CFAP74: variants seen among roughly 807,000 people sequenced by gnomAD.
The protein encoded by CFAP74 is cilia- and flagella-associated protein 74.
A neutral mutation model predicts 188.9 loss-of-function variants in CFAP74; 124 were observed. The ratio of observed to expected loss-of-function variants is 0.66; its 90% CI spans 0.57 to 0.76. CFAP74 has a LOEUF of 0.76. CFAP74 is among the 30% of genes least tolerant of loss of function. CFAP74 has a pLI of 0.00. For synonymous variants in CFAP74, 956 were observed against 916.7 expected (o/e 1.04, Z -0.77); for missense variants, 2,198 against 2,165.2 (o/e 1.02, Z -0.30).
Position 1,956,714 on chromosome 1 carries a change from G to T in CFAP74, c.1922C>A (p.Thr641Lys). ...GCCCAAGCCCCCAACGTTGGTCAGC[G>T]TGATGGTCCGAGACGTGGTCTCTCC... ...VVGETTSRTI[T>K]LTNVGGLGTT... is the part of the protein sequence containing the mutation. The change falls in exon 17 of 39, where the codon ACG (threonine) becomes AAG (lysine). Residue 641 changes from threonine (T) to lysine (K), a missense_variant. Transcript: ENST00000682832. The T allele has an allele frequency of 6.2e-7, 1 of 1,613,980 alleles. No individual in the cohort carries two copies. Among genetic ancestry groups the T allele is most frequent in the Non-Finnish European group, 8.5e-7 (1 of 1,179,954 alleles).
At chr1:1,931,398 C>A (rs1652357650) in intron 25 of CFAP74, among the ~76,000 whole-genome samples, 1 of 135,978 alleles carries the variant, frequency 7.4e-6, no homozygotes, top group Non-Finnish European at 1.5e-5. Context: ...CCACTGCACT[C>A]TAGCCTGGGT....
chr1:1,955,303 C>T (rs747869921), intron 18 of CFAP74: 22 of 1,300,160 alleles, frequency 1.7e-5, no homozygotes, highest in East Asian at 5.4e-5. Flanking sequence ...GCCCGTTTCT[C>T]GGCACCTCTC....
At position 1,942,144 on chromosome 1, in the gene CFAP74, G is replaced by T; in HGVS notation, c.2499C>A (p.Ala833=). Residue 833 remains alanine, a synonymous_variant, in exon 22 of 39, where the codon GCC becomes GCA. Coordinates refer to ENST00000682832, the MANE Select transcript of CFAP74 (RefSeq NM_001304360.2). The surrounding 1 kb of genome is among the most constrained non-coding windows in gnomAD (Gnocchi z 4.3). ...TGCACACCTCGAACTTCAGGCGCAG[G>T]GCAGCTTTCGACCTGTGGGCGTGTC... The part of the protein sequence containing the change: ...SVLVHTRSKA[A]LRLKFEVCKE... The T allele has an allele frequency of 6.6e-7, 1 of 1,519,922 alleles. No homozygotes were observed. The highest frequency in any genetic ancestry group is 1.2e-5 in the South Asian group (1 of 81,586). 94.2% of individuals were successfully genotyped at this position (1,519,922 alleles called of 1,614,324 possible).
intron 17 of CFAP74, among the ~76,000 whole-genome samples, chr1:1,956,297 C>A (rs1654620639): frequency 6.6e-6 from 1 of 152,330 alleles, no homozygotes; most frequent in East Asian, 1.9e-4. Context: ...CCCACCCCCA[C>A]ACCTGGGGCT....
Position 1,988,493 on chromosome 1 carries a change from G to A in CFAP74, c.296+19C>T, listed in dbSNP as rs763496529. ...GGGCATCAAGAGGTGCAGGTGCAGCGGCCTCAGCCCCAGCTCACCTCATCT... is the reference window on the plus strand; with the variant it reads ...GGGCATCAAGAGGTGCAGGTGCAGCAGCCTCAGCCCCAGCTCACCTCATCT... On this transcript the variant is annotated intron_variant, in intron 4 of 38. Coordinates refer to ENST00000682832, the MANE Select transcript of CFAP74 (RefSeq NM_001304360.2). The A allele has an allele frequency of 1.3e-5, 21 of 1,608,298 alleles. No homozygotes were observed. Among genetic ancestry groups the A allele is most frequent in the Admixed American group, 3.3e-5 (2 of 59,992 alleles).
chr1:1,962,476 CAAA>C (rs556157241), intron 14 of CFAP74, among the ~76,000 whole-genome samples: 18 of 69,350 alleles, frequency 2.6e-4, no homozygotes, highest in Middle Eastern at 0.01. Flanking sequence ...AACTCCATCT[CAAA>C]AAAAAAAAAA....
chr1:1,943,203 G>GC (rs1276473281), intron 21 of CFAP74, among the ~76,000 whole-genome samples: 1 of 152,228 alleles, frequency 6.6e-6, no homozygotes, highest in Admixed American at 6.5e-5. Context: ...GCCCCACTCA[G>GC]CCCTCAATGC....
At chr1:1,993,611 A>T (rs1396710030) in intron 1 of CFAP74, among the ~76,000 whole-genome samples, 1 of 151,020 alleles carries the variant, frequency 6.6e-6, no homozygotes, top group Non-Finnish European at 1.5e-5. Context: ...TTAGACCTTA[A>T]ATATGTGATT....
In CFAP74 at chr1:1,943,101, C is replaced by T. The variant is rs574381999; in HGVS notation, c.2487-945G>A. 9.2e-5 allele frequency among the ~76,000 whole-genome samples: 14 copies of T among 152,326 alleles called. No individual in the cohort carries two copies. In the South Asian group the frequency reaches 2.1e-3, roughly 23 times the overall value. ...GTCAGGCAGACGCTGCTCTGCCTTC[C>T]GGTTCCCTTATGGGGCCAGAGTCTA... On this transcript the variant is annotated intron_variant, in intron 21 of 38. Transcript: ENST00000682832.
chr1:1,964,290 G>T (rs1427617820), intron 13 of CFAP74, among the ~76,000 whole-genome samples: 2 of 152,216 alleles, frequency 1.3e-5, no homozygotes. Flanking sequence ...TTCCCACCCT[G>T]TCCCTGCTAC....
Position 1,959,149 on chromosome 1 carries a change from G to T in CFAP74, c.1822C>A (p.Pro608Thr). 2 of 1,612,356 alleles carry T rather than the reference G, an allele frequency of 1.2e-6. No individual in the cohort carries two copies. Residue 608 changes from proline (P) to threonine (T), a missense_variant, in exon 16 of 39, where the codon CCA (proline) becomes ACA (threonine). Pro to Thr is a conservative substitution (Grantham distance 38). Coordinates refer to ENST00000682832, the MANE Select transcript of CFAP74 (RefSeq NM_001304360.2). ...FLAQTGEFSVPLKCSTKKCSL... is the reference protein window; with the variant it reads ...FLAQTGEFSVTLKCSTKKCSL... ...CATTTCTTTGTTGAACATTTCAGTG[G>T]AACTGAAAACTCGCCCGTCTGAGCC... is the stretch of plus-strand genomic sequence containing the variant.
At chr1:1,928,936 G>C in intron 26 of CFAP74, 54 bp from the exon 27 acceptor site, 1 of 1,270,282 alleles carries the variant, frequency 7.9e-7, no homozygotes, top group African/African-American at 1.5e-5. Context: ...CACCTCCCCG[G>C]AGCCCCTGCG....
chr1:1,971,933 C>T, intron 9 of CFAP74, 47 bp downstream of exon 9: 1 of 1,484,984 alleles, frequency 6.7e-7, no homozygotes, highest in Non-Finnish European at 9.3e-7. Context: ...GGGACGGACC[C>T]CGGCAGGGCG....
At chr1:1,938,200 CATG>C (rs1217729425) in intron 25 of CFAP74, among the ~76,000 whole-genome samples, 7 of 146,926 alleles carry the variant, frequency 4.8e-5, no homozygotes, top group African/African-American at 1.8e-4. Context: ...CATTCAGTCA[CATG>C]CTCACACATA....
intron 1 of CFAP74, among the ~76,000 whole-genome samples, chr1:1,991,932 C>T (rs906702548): frequency 6.6e-6 from 1 of 151,362 alleles, no homozygotes; most frequent in Non-Finnish European, 1.5e-5. Context: ...CCCAGCTACT[C>T]GGGAGGCTGA....
intron 14 of CFAP74, among the ~76,000 whole-genome samples, chr1:1,963,456 C>CAAAAAAAA (rs772909618): frequency 6.1e-5 from 2 of 32,882 alleles, no homozygotes; most frequent in African/African-American, 1.3e-4. Context: ...GACTCCATCT[C>CAAAAAAAA]AAAAAAAAAA....
At chr1:1,988,066 C>T (rs932417976) in intron 4 of CFAP74, 8 of 469,110 alleles carry the variant, frequency 1.7e-5, no homozygotes, top group African/African-American at 1.4e-4. Flanking sequence ...GCCTCAGCCT[C>T]CCAAGTCACT....
In CFAP74 at chr1:1,938,942, A is replaced by G; in HGVS notation, c.2924T>C (p.Leu975Pro). ...PNDGFGTILP[L>P]ETLQFCVIFQ... is the part of the protein sequence containing the mutation. ...GATCACACAGAACTGCAGCGTTTCC[A>G]GGGGCAGGATCGTCCCAAACCCATC... The change falls in exon 25 of 39, where the codon CTG (leucine) becomes CCG (proline). Residue 975 changes from leucine to proline, a missense_variant. By Grantham distance (98) the Leu-to-Pro change is moderately conservative. Coordinates refer to ENST00000682832, the MANE Select transcript of CFAP74 (RefSeq NM_001304360.2). 6.5e-7 allele frequency: 1 copy of G among 1,535,968 alleles called. No homozygotes were observed. The highest frequency in any genetic ancestry group is 1.2e-5 in the South Asian group (1 of 83,946).
At position 1,923,496 on chromosome 1, in the gene CFAP74, T is replaced by A. The variant is rs146353268; in HGVS notation, c.4393A>T (p.Ile1465Phe). The change falls in exon 36 of 39, where the codon ATC becomes TTC. Residue 1465 changes from isoleucine (I) to phenylalanine (F), a missense_variant. Coordinates refer to ENST00000682832, the MANE Select transcript of CFAP74 (RefSeq NM_001304360.2). This position sits in a 1 kb window ranked among gnomAD's most constrained non-coding sequence, Gnocchi z 6.3. ...KLQVVLFEKKISHQILLKGAA... is the reference protein window; with the variant it reads ...KLQVVLFEKKFSHQILLKGAA... ...CCCTTCAGCAGGATCTGGTGGGAGA[T>A]TTTCTGGGGACAAGAAGTGGAGTGG... The A allele has an allele frequency of 6.2e-7, 1 of 1,608,004 alleles. No individual in the cohort carries two copies. Among genetic ancestry groups the A allele is most frequent in the Non-Finnish European group, 8.5e-7 (1 of 1,176,362 alleles).
Sources: allele counts gnomAD v4.1 joint callset (sites outside exome capture counted in the v4.1 genomes callset), GRCh38; gene constraint gnomAD v4.1.1; non-coding constraint Gnocchi (gnomAD v3.1); transcripts MANE v1.5; gene names NCBI Gene and HGNC (gene_info 2026-07-23, HGNC 2026-07-21).